Variants in UST observed in about 807,000 individuals in gnomAD.
The protein encoded by UST is chondroitin sulfate 2-O-sulfotransferase.
Under a neutral mutation model 45.6 loss-of-function variants are expected in UST, and 21 were observed. The observed-to-expected ratio is 0.46, with a 90% CI of 0.33 to 0.66. The LOEUF is 0.66. UST is among the 30% of genes least tolerant of loss of function. The pLI is 0.02. For missense variants in UST, 463 were observed against 512.4 expected (o/e 0.90, Z 0.93); for synonymous variants, 215 against 200.6 (o/e 1.07, Z -0.61).
At chr6:148,773,184 G>A (rs1029930130) in intron 1 of UST, among the ~76,000 whole-genome samples, 23 of 152,026 alleles carry the variant, frequency 1.5e-4, no homozygotes, top group African/African-American at 5.3e-4. Context: ...TGTTGGCCAG[G>A]TCTGGTGGCT....
At chr6:149,066,667 A>G in intron 7 of UST, among the ~76,000 whole-genome samples, 1 of 152,148 alleles carries the variant, frequency 6.6e-6, no homozygotes, top group East Asian at 1.9e-4. Context: ...TACACGAGAC[A>G]ATCTGTTGTT....
In UST at chr6:148,998,627, T is replaced by C. The variant is rs9498190; in HGVS notation, c.682-20512T>C. On this transcript the variant is annotated intron_variant, in intron 5 of 7. Transcript: ENST00000367463. ...TCCTAGAGAAAACTCACAATGGTGA[T>C]CTCTCCATTTTCTGTGTGGCTAAGT... Among the ~76,000 whole-genome samples, 407 of 152,248 alleles carry C rather than the reference T, an allele frequency of 2.7e-3. 2 individuals carry two copies. Among genetic ancestry groups the C allele is most frequent in the Non-Finnish European group, 4.6e-3 (313 of 67,996 alleles).
At chr6:148,994,126 C>T (rs1395931930) in intron 5 of UST, among the ~76,000 whole-genome samples, 5 of 151,898 alleles carry the variant, frequency 3.3e-5, no homozygotes, top group African/African-American at 4.8e-5. Flanking sequence ...TGCACCAGCA[C>T]GCTGGCTAAT....
Position 148,913,423 on chromosome 6 carries a change from C to CTTTTTTTTTTTTTT in UST, c.291+26406_291+26419dup, listed in dbSNP as rs34110477. Among the ~76,000 whole-genome samples, 10 of 79,866 alleles carry CTTTTTTTTTTTTTT rather than the reference C, an allele frequency of 1.3e-4. 1 individual carries two copies. Among genetic ancestry groups the CTTTTTTTTTTTTTT allele is most frequent in the Non-Finnish European group, 1.8e-4 (8 of 44,366 alleles). The allele number at this position is 79,866 out of a possible 152,430, so 52.4% of individuals were successfully genotyped here. Reference sequence around the variant, plus strand: ...ACAGTCCGTATTTGGGACCAAAAATCTTTTTTTTTTTTTTTTTTTTTTTTT... The same window carrying CTTTTTTTTTTTTTT: ...ACAGTCCGTATTTGGGACCAAAAATCTTTTTTTTTTTTTTTTTTTTTTTTTTTTTTTTTTTTTTT... On this transcript the variant is annotated intron_variant, in intron 2 of 7. Coordinates refer to ENST00000367463, the MANE Select transcript of UST (RefSeq NM_005715.3).
chr6:148,766,309 G>T (rs1776323661), intron 1 of UST, among the ~76,000 whole-genome samples: 1 of 151,280 alleles, frequency 6.6e-6, no homozygotes. Flanking sequence ...AGCCTTAAAG[G>T]ATCAGAGACA....
chr6:148,763,801 G>C (rs1776267596), intron 1 of UST, among the ~76,000 whole-genome samples: 3 of 152,110 alleles, frequency 2.0e-5, no homozygotes, highest in Non-Finnish European at 4.4e-5. Context: ...TGATCAGTTG[G>C]TTGTAGGTAA....
chr6:149,037,501 A>G lies in UST; in HGVS notation c.937+16020A>G, dbSNP rs541243478. Among the ~76,000 whole-genome samples, 7 of 152,282 alleles carry G rather than the reference A, an allele frequency of 4.6e-5. No homozygotes were observed. In the East Asian group the frequency reaches 1.4e-3, roughly 29 times the overall value. ...AGGGGGTTTTCCCCAGCCAGGCAGG[A>G]CCCCTGGAATGAGGCTGGAGGCTGG... On this transcript the variant is annotated intron_variant, in intron 7 of 7. Transcript: ENST00000367463.
chr6:148,853,590 C>T (rs576359854), intron 1 of UST, among the ~76,000 whole-genome samples: 2 of 152,244 alleles, frequency 1.3e-5, no homozygotes, highest in South Asian at 2.1e-4. Context: ...AGTGTAAAAG[C>T]GTTCCTGTTT....
chr6:148,830,400 T>C (rs556702866), intron 1 of UST, among the ~76,000 whole-genome samples: 2 of 152,328 alleles, frequency 1.3e-5, no homozygotes, highest in Admixed American at 6.5e-5. Flanking sequence ...CCAACACATA[T>C]TCTATCCAAT....
At chr6:148,813,195 C>T (rs568395505) in intron 1 of UST, among the ~76,000 whole-genome samples, 16 of 152,136 alleles carry the variant, frequency 1.1e-4, no homozygotes, top group Admixed American at 2.0e-4. Flanking sequence ...TAGTTGCTAG[C>T]AAAATTCCAG....
intron 1 of UST, among the ~76,000 whole-genome samples, chr6:148,754,740 A>T (rs1776062621): frequency 6.6e-6 from 1 of 152,220 alleles, no homozygotes; most frequent in Non-Finnish European, 1.5e-5. Context: ...CAATACTGTT[A>T]TGTATTGTTC....
intron 2 of UST, among the ~76,000 whole-genome samples, chr6:148,900,432 C>T (rs1419548326): frequency 1.3e-5 from 2 of 152,188 alleles, no homozygotes; most frequent in East Asian, 1.9e-4. Context: ...CTTTGCTATT[C>T]TCGTGATAGT....
rs930101349 is a variant in UST at position 148,758,440 on chromosome 6, G to A, written c.247+10763G>A. Among the ~76,000 whole-genome samples the A allele has an allele frequency of 3.3e-5, 5 of 152,278 alleles. No homozygotes were observed. In the South Asian group the frequency reaches 8.3e-4, roughly 25 times the overall value. ...AAATAAAAATAGCTGTGTGGAGGGA[G>A]TATGCTGGCGCTTACTCTCTGGGAT... On this transcript the variant is annotated intron_variant, in intron 1 of 7. Coordinates refer to ENST00000367463, the MANE Select transcript of UST (RefSeq NM_005715.3).
chr6:148,841,857 C>T (rs1014837273), intron 1 of UST, among the ~76,000 whole-genome samples: 4 of 152,178 alleles, frequency 2.6e-5, no homozygotes, highest in African/African-American at 9.7e-5. Context: ...ATAATTCCAG[C>T]ACTTTGGGAG....
intron 5 of UST, among the ~76,000 whole-genome samples, chr6:148,999,836 G>A (rs1034524821): frequency 2.0e-5 from 3 of 152,172 alleles, no homozygotes; most frequent in South Asian, 2.1e-4. Context: ...AGCATGAATA[G>A]CCCATACAGG....
intron 1 of UST, among the ~76,000 whole-genome samples, chr6:148,832,141 C>T (rs892604887): frequency 3.3e-5 from 5 of 152,178 alleles, no homozygotes; most frequent in African/African-American, 1.2e-4. Context: ...CACGCATGCA[C>T]CACCACGCCC....
intron 5 of UST, chr6:149,005,674 C>T: frequency 4.3e-6 from 4 of 930,408 alleles, no homozygotes; most frequent in Non-Finnish European, 5.1e-6. Context: ...CACTAAAATG[C>T]AAGTATTTCT....
At chr6:148,794,474 A>G (rs77784592) in intron 1 of UST, among the ~76,000 whole-genome samples, 1 of 152,346 alleles carries the variant, frequency 6.6e-6, no homozygotes, top group East Asian at 1.9e-4. Context: ...ATTAGAAAAT[A>G]CAGAATCCTT....
intron 1 of UST, among the ~76,000 whole-genome samples, chr6:148,820,937 G>A: frequency 6.9e-6 from 1 of 144,974 alleles, no homozygotes; most frequent in Non-Finnish European, 1.5e-5. Context: ...TGTATTACAT[G>A]TAATTGTCAT....
Sources: gnomAD v4.1 joint callset for allele counts (sites outside exome capture counted in the v4.1 genomes callset) on GRCh38, gnomAD v4.1.1 for gene constraint, MANE v1.5 for transcripts, NCBI Gene and HGNC (gene_info 2026-07-23, HGNC 2026-07-21) for gene names.